The following CLASP1 variants were observed in gnomAD, a reference collection of about 807,000 sequenced individuals.
The protein encoded by CLASP1 is CLIP-associating protein 1.
A neutral mutation model predicts 192.3 loss-of-function variants in CLASP1; 38 were observed. That is an observed-to-expected ratio of 0.20 (90% confidence interval 0.15 to 0.26). The LOEUF (loss-of-function observed/expected upper bound fraction) is 0.26. Ranked by LOEUF, CLASP1 falls within the 10% of genes least tolerant of loss-of-function variation. CLASP1 has a pLI of 1.00. For missense variants in CLASP1, 1,433 were observed against 1,932.5 expected (o/e 0.74, Z 4.85); for synonymous variants, 691 against 712.8 (o/e 0.97, Z 0.49).
intron 34 of CLASP1, among the ~76,000 whole-genome samples, chr2:121,371,530 T>A (rs1395405784): frequency 6.6e-6 from 1 of 151,938 alleles, no homozygotes; most frequent in African/African-American, 2.4e-5. Flanking sequence ...TGAGCCACCA[T>A]AATTGGAAAA....
At chr2:121,543,756 T>C (rs996661383) in intron 2 of CLASP1, among the ~76,000 whole-genome samples, 4 of 152,100 alleles carry the variant, frequency 2.6e-5, no homozygotes, top group African/African-American at 4.8e-5. Context: ...TTTATATGCA[T>C]ACTAAGTAAC....
intron 1 of CLASP1, among the ~76,000 whole-genome samples, chr2:121,613,570 T>A (rs947178048): frequency 1.3e-5 from 2 of 151,984 alleles, no homozygotes; most frequent in Non-Finnish European, 2.9e-5. Context: ...GAATACCAGC[T>A]CTAGCATGCA....
At chr2:121,352,756 C>T (rs1215542484) in intron 37 of CLASP1, among the ~76,000 whole-genome samples, 4 of 152,112 alleles carry the variant, frequency 2.6e-5, no homozygotes, top group African/African-American at 7.2e-5. Context: ...TGGGTTCAAG[C>T]GATTCTCATG....
At chr2:121,457,601 T>C (rs2086977014) in intron 14 of CLASP1, 86 bp downstream of exon 14, 3 of 1,019,366 alleles carry the variant, frequency 2.9e-6, no homozygotes, top group Non-Finnish European at 4.5e-6. Context: ...ATGTTATACA[T>C]GAAATTTTAT....
intron 30 of CLASP1, among the ~76,000 whole-genome samples, chr2:121,390,083 C>T (rs769407663): frequency 3.3e-5 from 5 of 152,240 alleles, no homozygotes; most frequent in East Asian, 1.9e-4. Context: ...AGTTTTGCCA[C>T]GAATTAGACT....
At chr2:121,457,809 A>G (rs2087010942) in intron 13 of CLASP1, 52 bp from the exon 14 acceptor site, 1 of 1,338,090 alleles carries the variant, frequency 7.5e-7, no homozygotes, top group Non-Finnish European at 1.1e-6. Context: ...ACAAAAACAA[A>G]ACAAAATTAA....
intron 26 of CLASP1, 123 bp downstream of exon 27, chr2:121,404,248 G>T: frequency 6.9e-7 from 1 of 1,455,750 alleles, no homozygotes; most frequent in African/African-American, 1.4e-5. Flanking sequence ...TGCTGAAACC[G>T]GTGTGACTCT....
chr2:121,351,595 T>C (rs2064424823), intron 37 of CLASP1, among the ~76,000 whole-genome samples: 1 of 152,180 alleles, frequency 6.6e-6, no homozygotes, highest in South Asian at 2.1e-4. Context: ...GCTAACTCCT[T>C]GCAGCCCTGA....
intron 4 of CLASP1, among the ~76,000 whole-genome samples, 173 bp from the exon 5 acceptor site, chr2:121,528,063 C>G (rs915670746): frequency 6.6e-6 from 1 of 152,182 alleles, no homozygotes; most frequent in African/African-American, 2.4e-5. Flanking sequence ...ATCATGTTAT[C>G]AAGTATATCA....
intron 2 of CLASP1, among the ~76,000 whole-genome samples, chr2:121,554,126 G>T (rs951460456): frequency 2.0e-5 from 3 of 151,990 alleles, no homozygotes; most frequent in African/African-American, 7.3e-5. Flanking sequence ...TGAGGTGGGA[G>T]GACCAGTTGA....
intron 19 of CLASP1, among the ~76,000 whole-genome samples, chr2:121,444,185 A>T (rs2083889570): frequency 6.6e-6 from 1 of 152,242 alleles, no homozygotes; most frequent in Non-Finnish European, 1.5e-5. Context: ...TTCAAAAGGT[A>T]ATACAAAAAT....
intron 16 of CLASP1, among the ~76,000 whole-genome samples, chr2:121,450,213 C>A (rs1463186308): frequency 1.4e-4 from 22 of 152,018 alleles, no homozygotes. Flanking sequence ...CGCCTGTAGT[C>A]CCAGCTACTT....
rs545235495 is a variant in CLASP1 at position 121,641,824 on chromosome 2, G to A, written c.-286+7548C>T. Among the ~76,000 whole-genome samples, 12 of 152,204 alleles carry A rather than the reference G, an allele frequency of 7.9e-5. No homozygotes were observed. The South Asian group carries it at 2.5e-3, about 32-fold the overall frequency. Reference sequence around the variant, plus strand: ...TAGATTGCTGGGAAAATTACTAAATGGTACGAATTTTTGGTTAGCTAGTGG... The same window carrying A: ...TAGATTGCTGGGAAAATTACTAAATAGTACGAATTTTTGGTTAGCTAGTGG... On this transcript the variant is annotated intron_variant, in intron 1 of 39. Coordinates refer to ENST00000263710, the Ensembl canonical transcript of CLASP1.
chr2:121,370,737 T>C (rs968294814), intron 34 of CLASP1, among the ~76,000 whole-genome samples: 1 of 152,216 alleles, frequency 6.6e-6, no homozygotes, highest in African/African-American at 2.4e-5. Context: ...TGACTCCTCC[T>C]GGCCCTGCAG....
chr2:121,615,277 T>C (rs1249753822), intron 1 of CLASP1, among the ~76,000 whole-genome samples: 1 of 151,910 alleles, frequency 6.6e-6, no homozygotes, highest in Admixed American at 6.6e-5. Context: ...AGGTGGAGGT[T>C]GCAGCGAGCC....
chr2:121,480,594 G>A (rs2092512269), intron 8 of CLASP1, among the ~76,000 whole-genome samples: 1 of 152,124 alleles, frequency 6.6e-6, no homozygotes, highest in Non-Finnish European at 1.5e-5. Flanking sequence ...CCTCATTTGA[G>A]GTATAAAAAG....
At chr2:121,567,942 G>A (rs1419599810) in intron 2 of CLASP1, among the ~76,000 whole-genome samples, 2 of 152,210 alleles carry the variant, frequency 1.3e-5, no homozygotes, top group Non-Finnish European at 1.5e-5. Context: ...ATGGGGTTGG[G>A]AAGCTGGTAA....
intron 33 of CLASP1, 61 bp downstream of exon 34, chr2:121,382,147 C>T (rs770893252): frequency 6.7e-5 from 91 of 1,349,764 alleles, no homozygotes; most frequent in Non-Finnish European, 8.2e-5. Context: ...AGACCTGAGA[C>T]GACCTTGGAA....
chr2:121,567,250 G>A (rs1373057320), intron 2 of CLASP1, among the ~76,000 whole-genome samples: 1 of 152,146 alleles, frequency 6.6e-6, no homozygotes. Context: ...TGTGGGCCAG[G>A]CACTGTCCTG....
Sources: gnomAD v4.1 joint callset for allele counts (sites outside exome capture counted in the v4.1 genomes callset) on GRCh38, gnomAD v4.1.1 for gene constraint, MANE v1.5 for transcripts, NCBI Gene and HGNC (gene_info 2026-07-23, HGNC 2026-07-21) for gene names.